The following IPO11 variants were observed in gnomAD, a reference collection of about 807,000 sequenced individuals.
IPO11 encodes the protein importin 11, also known as importin-11.
Under a neutral mutation model 143.2 loss-of-function variants are expected in IPO11, and 66 were observed. The ratio of observed to expected loss-of-function variants is 0.46; its 90% CI spans 0.38 to 0.57. The LOEUF (loss-of-function observed/expected upper bound fraction) is 0.57, where lower values mean the gene tolerates loss of function less well. Ranked by LOEUF, IPO11 falls within the 20% of genes least tolerant of loss-of-function variation. IPO11 has a pLI of 0.00. For synonymous variants in IPO11, 385 were observed against 377.8 expected (o/e 1.02, Z -0.22); for missense variants, 1,026 against 1,141.0 (o/e 0.90, Z 1.45).
Position 62,627,259 on chromosome 5 carries a change from A to G in IPO11, c.2869A>G (p.Met957Val). Residue 957 changes from methionine to valine, a missense_variant, in exon 30 of 30, where the codon ATG (methionine) becomes GTG (valine). Transcript: ENST00000325324. ...AGGAGAACAAGGTTTCCAGTCCCTC[A>G]TGGAAACAGTGGATACGGAGATTGT... ...MLGEQGFQSLMETVDTEIVTQ... is the reference protein window; with the variant it reads ...MLGEQGFQSLVETVDTEIVTQ... The G allele has an allele frequency of 6.2e-7, 1 of 1,614,140 alleles. No homozygotes were observed. Among genetic ancestry groups the G allele is most frequent in the South Asian group, 1.1e-5 (1 of 91,080 alleles).
At chr5:62,601,464 A>G (rs745312831) in intron 28 of IPO11, 11 of 208,806 alleles carry the variant, frequency 5.3e-5, no homozygotes, top group African/African-American at 2.5e-4. Flanking sequence ...AAGTGTATAC[A>G]TGCATTACTT....
chr5:62,551,995 G>A (rs1435225665), intron 26 of IPO11, among the ~76,000 whole-genome samples: 1 of 152,088 alleles, frequency 6.6e-6, no homozygotes, highest in East Asian at 1.9e-4. Context: ...GCGGTTGCGG[G>A]CACCTGTAGT....
At chr5:62,600,061 CAG>C (rs1202930085) in intron 28 of IPO11, among the ~76,000 whole-genome samples, 1 of 152,092 alleles carries the variant, frequency 6.6e-6, no homozygotes, top group Non-Finnish European at 1.5e-5. Context: ...GTGGGGGAGA[CAG>C]AATCTTGCTC....
In IPO11 at chr5:62,479,597, C is replaced by T. The variant is rs1257066523; in HGVS notation, c.828+2844C>T. Among the ~76,000 whole-genome samples the T allele has an allele frequency of 2.9e-4, 44 of 152,164 alleles. 1 individual carries two copies. The highest frequency in any genetic ancestry group is 2.8e-3 in the Admixed American group (43 of 15,276). On this transcript the variant is annotated intron_variant, in intron 9 of 29. Transcript: ENST00000325324. The stretch of plus-strand genomic sequence containing the variant: ...TATTTCTCCACATCCTCTCCAGCAC[C>T]TGTTGTTTCCTGACTTTTTAATGGT...
chr5:62,520,777 A>G (rs1742177734), intron 20 of IPO11, among the ~76,000 whole-genome samples: 2 of 152,194 alleles, frequency 1.3e-5, no homozygotes, highest in African/African-American at 4.8e-5. Flanking sequence ...GGTTGGTTCC[A>G]AGTCTTTGCT....
At chr5:62,421,071 A>T (rs1225241642) in intron 1 of IPO11, among the ~76,000 whole-genome samples, 1 of 152,206 alleles carries the variant, frequency 6.6e-6, no homozygotes, top group Non-Finnish European at 1.5e-5. Flanking sequence ...TGCTAGTCTG[A>T]TCATAAAGTA....
chr5:62,599,832 T>C (rs543369167), intron 28 of IPO11, among the ~76,000 whole-genome samples: 4 of 152,238 alleles, frequency 2.6e-5, no homozygotes, highest in Non-Finnish European at 5.9e-5. Flanking sequence ...AATTCTTACG[T>C]ATCTTTTATG....
intron 5 of IPO11, among the ~76,000 whole-genome samples, chr5:62,459,600 G>C (rs1745286163): frequency 6.6e-6 from 1 of 151,940 alleles, no homozygotes; most frequent in Non-Finnish European, 1.5e-5. Context: ...ACCCAGGCTG[G>C]AGTGCAGTGG....
At chr5:62,534,435 T>G (rs1444334970) in intron 22 of IPO11, among the ~76,000 whole-genome samples, 1 of 152,076 alleles carries the variant, frequency 6.6e-6, no homozygotes, top group African/African-American at 2.4e-5. Context: ...TTACAGAAAT[T>G]TAAAGGAATA....
chr5:62,418,456 A>G (rs1234178200), intron 1 of IPO11, among the ~76,000 whole-genome samples: 3 of 152,210 alleles, frequency 2.0e-5, no homozygotes, highest in Admixed American at 6.5e-5. Context: ...CCCAGCCAAC[A>G]CATATCATAT....
intron 24 of IPO11, among the ~76,000 whole-genome samples, chr5:62,545,768 C>G (rs1423548089): frequency 6.6e-6 from 1 of 151,910 alleles, no homozygotes; most frequent in African/African-American, 2.4e-5. Context: ...AAAAACAACC[C>G]CATCAAAAAG....
At chr5:62,513,358 G>C (rs965399393) in intron 19 of IPO11, among the ~76,000 whole-genome samples, 1 of 139,090 alleles carries the variant, frequency 7.2e-6, no homozygotes, top group African/African-American at 2.6e-5. Context: ...GCTGGGCGGG[G>C]GGCTGAGCCC....
At chr5:62,505,584 G>A (rs1741528135) in intron 18 of IPO11, among the ~76,000 whole-genome samples, 1 of 152,030 alleles carries the variant, frequency 6.6e-6, no homozygotes, top group Admixed American at 6.6e-5. Flanking sequence ...GTAGAAGTGT[G>A]TGCTAAAATG....
Position 62,600,988 on chromosome 5 carries a change from T to A in IPO11, c.2679-776T>A, listed in dbSNP as rs554941229. On this transcript the variant is annotated intron_variant, in intron 28 of 29. Coordinates refer to ENST00000325324, the MANE Select transcript of IPO11 (RefSeq NM_016338.5). ...GTTTACACAGCTGAGTCAGGAATTGTCCTTCACCTGTACTTGCTACAAAAC... is the reference window on the plus strand; with the variant it reads ...GTTTACACAGCTGAGTCAGGAATTGACCTTCACCTGTACTTGCTACAAAAC... Among the ~76,000 whole-genome samples the A allele has an allele frequency of 1.3e-5, 2 of 152,230 alleles. 1 individual carries two copies. Among genetic ancestry groups the A allele is most frequent in the South Asian group, 4.1e-4 (2 of 4,828 alleles).
At chr5:62,444,708 A>G (rs569783238) in intron 3 of IPO11, among the ~76,000 whole-genome samples, 1 of 152,038 alleles carries the variant, frequency 6.6e-6, no homozygotes, top group African/African-American at 2.4e-5. Flanking sequence ...ACCTCTTCTA[A>G]AAATACAAAA....
intron 21 of IPO11, among the ~76,000 whole-genome samples, chr5:62,529,145 T>C (rs907337009): frequency 1.3e-5 from 2 of 152,148 alleles, no homozygotes; most frequent in African/African-American, 2.4e-5. Flanking sequence ...TAGCCTTTCT[T>C]CTATCTTAAT....
At position 62,580,339 on chromosome 5, in the gene IPO11, A is replaced by G. The variant is rs1369602175; in HGVS notation, c.2583-11238A>G. On this transcript the variant is annotated intron_variant, in intron 27 of 29. Transcript: ENST00000325324. ...TTCTGACACATTCAGTTTGTTAAAG[A>G]ATTTAATTTACCTTAAGTTAGATAG... The G allele has an allele frequency of 3.2e-6, 5 of 1,541,460 alleles. No homozygotes were observed. The highest frequency in any genetic ancestry group is 3.5e-6 in the Non-Finnish European group (4 of 1,138,018).
chr5:62,508,298 ATTTTTT>A (rs70981020), intron 19 of IPO11, among the ~76,000 whole-genome samples: 3 of 127,506 alleles, frequency 2.4e-5, no homozygotes, highest in Admixed American at 7.8e-5. Flanking sequence ...TGCCTGGCTA[ATTTTTT>A]TTTTTTTTTT....
At chr5:62,580,192 G>A in intron 27 of IPO11, 1 of 1,551,188 alleles carries the variant, frequency 6.4e-7, no homozygotes, top group East Asian at 2.4e-5. Flanking sequence ...TAAAGGACTT[G>A]CCAATCTGGA....
Sources: allele counts gnomAD v4.1 joint callset (sites outside exome capture counted in the v4.1 genomes callset), GRCh38; gene constraint gnomAD v4.1.1; transcripts MANE v1.5; gene names NCBI Gene and HGNC (gene_info 2026-07-23, HGNC 2026-07-21).